The following MYO16 variants were observed in gnomAD, a reference collection of about 807,000 sequenced individuals.
MYO16 encodes unconventional myosin-XVI.
Under a neutral mutation model 205.3 loss-of-function variants are expected in MYO16, and 94 were observed. That is an observed-to-expected ratio of 0.46 (90% CI 0.39 to 0.54). The LOEUF (loss-of-function observed/expected upper bound fraction) is 0.54. Ranked by LOEUF, MYO16 falls within the 20% of genes least tolerant of loss-of-function variation. The pLI is 0.00. For missense variants in MYO16, 2,315 were observed against 2,387.5 expected, an observed-to-expected ratio of 0.97 and a Z score of 0.63; for synonymous variants, 988 against 954.0, an observed-to-expected ratio of 1.04 and a Z score of -0.66.
chr13:108,846,499 C>T (rs1877527564), intron 10 of MYO16, among the ~76,000 whole-genome samples: 1 of 137,176 alleles, frequency 7.3e-6, no homozygotes, highest in Non-Finnish European at 1.6e-5. Context: ...CACACACATA[C>T]ATGTGTGTAT....
At chr13:109,096,174 C>T (rs1260343177) in intron 27 of MYO16, among the ~76,000 whole-genome samples, 1 of 152,168 alleles carries the variant, frequency 6.6e-6, no homozygotes, top group Admixed American at 6.5e-5. Flanking sequence ...AAGTTCAACA[C>T]TGAGTCTCAG....
At chr13:108,579,999 T>C in the MYO16 span, among the ~76,000 whole-genome samples, 26 of 152,186 alleles carry the variant, frequency 1.7e-4, no homozygotes, top group Admixed American at 9.2e-4. Flanking sequence ...GGGATTCCAA[T>C]GACATTGACT....
chr13:108,617,229 C>A (rs1879379649), intron 1 of MYO16, among the ~76,000 whole-genome samples: 1 of 151,480 alleles, frequency 6.6e-6, no homozygotes, highest in Non-Finnish European at 1.5e-5. Context: ...GCTGGACCCA[C>A]CCCAGAGATT....
intron 34 of MYO16, among the ~76,000 whole-genome samples, chr13:109,186,375 C>T (rs1246387647): frequency 1.3e-5 from 2 of 152,140 alleles, no homozygotes; most frequent in Admixed American, 6.5e-5. Flanking sequence ...TGTGGTGCCT[C>T]AGGGGGACAG....
rs538216968 is a variant in MYO16, at chr13:109,205,741, C to T, written c.5416-868C>T. ...GCCCTAGCTGAAGTCAGGGGGTAAGCTTGGTCTGCAGGGTGTCTCTCTTCA... is the reference window on the plus strand; with the variant it reads ...GCCCTAGCTGAAGTCAGGGGGTAAGTTTGGTCTGCAGGGTGTCTCTCTTCA... On this transcript the variant is annotated intron_variant, in intron 34 of 34. Coordinates refer to ENST00000457511, the MANE Select transcript of MYO16 (RefSeq NM_001198950.3). 2.2e-4 allele frequency among the ~76,000 whole-genome samples: 33 copies of T among 152,248 alleles called. 1 individual carries two copies. The South Asian group carries it at 6.8e-3, about 32-fold the overall frequency.
chr13:108,791,464 G>A (rs1446930432), intron 5 of MYO16, among the ~76,000 whole-genome samples: 1 of 152,148 alleles, frequency 6.6e-6, no homozygotes, highest in African/African-American at 2.4e-5. Context: ...CATATTATAT[G>A]TTTTATGTGT....
At chr13:109,132,603 G>A (rs986879144) in intron 31 of MYO16, among the ~76,000 whole-genome samples, 5 of 152,166 alleles carry the variant, frequency 3.3e-5, no homozygotes, top group Non-Finnish European at 5.9e-5. Flanking sequence ...ATGAGAGGGA[G>A]CACAATTTGG....
chr13:108,952,089 A>G (rs529730820), intron 16 of MYO16, among the ~76,000 whole-genome samples: 2 of 151,226 alleles, frequency 1.3e-5, no homozygotes, highest in South Asian at 4.2e-4. Flanking sequence ...CCAGCCTGGG[A>G]AAAACGAGTG....
intron 9 of MYO16, among the ~76,000 whole-genome samples, chr13:108,825,845 AAG>A (rs1318208524): frequency 6.6e-6 from 1 of 151,916 alleles, no homozygotes; most frequent in African/African-American, 2.4e-5. Context: ...TTAGAAAAAA[AAG>A]GAAAAATTAA....
chr13:109,081,098 A>G (rs1410525668), intron 27 of MYO16, among the ~76,000 whole-genome samples: 1 of 152,172 alleles, frequency 6.6e-6, no homozygotes, highest in African/African-American at 2.4e-5. Flanking sequence ...ATACATAGAC[A>G]TATATATGTG....
At chr13:108,627,766 T>C (rs1048904480), upstream of MYO16, among the ~76,000 whole-genome samples, 2 of 152,188 alleles carry the variant, frequency 1.3e-5, no homozygotes, top group African/African-American at 4.8e-5. Context: ...TGTTATGCTT[T>C]TTTTCAGTTT....
rs756128171 is a variant in MYO16 at position 108,898,065 on chromosome 13, A to C, written c.1709A>C (p.Asp570Ala). Residue 570 changes from aspartate to alanine, a missense_variant, in exon 15 of 35, where the codon GAT becomes GCT. This residue lies in a region of MYO16 where 1,213 missense variants were observed against 1,274.4 expected (regional missense o/e 0.95). Coordinates refer to ENST00000457511, the MANE Select transcript of MYO16 (RefSeq NM_001198950.3). Reference protein sequence around the residue: ...AFGHAKTTLNDLSSCFIKYFE... With the variant: ...AFGHAKTTLNALSSCFIKYFE... Reference sequence around the variant, plus strand: ...GGACATGCCAAGACCACACTTAATGATTTGTCCAGTTGCTTCATCAAGTAT... The same window carrying C: ...GGACATGCCAAGACCACACTTAATGCTTTGTCCAGTTGCTTCATCAAGTAT... 1 of 1,614,094 alleles carries C rather than the reference A, an allele frequency of 6.2e-7. No homozygotes were observed. The highest frequency in any genetic ancestry group is 2.2e-5 in the East Asian group (1 of 44,880).
the MYO16 span, among the ~76,000 whole-genome samples, chr13:108,526,655 C>G: frequency 0.33 from 49,774 of 152,114 alleles, 9,927 homozygotes; most frequent in African/African-American, 0.56. Flanking sequence ...TTAATAATCT[C>G]AAAAATACAA....
At chr13:108,830,637 T>G in intron 9 of MYO16, among the ~76,000 whole-genome samples, 1 of 144,542 alleles carries the variant, frequency 6.9e-6, no homozygotes, top group South Asian at 2.4e-4. Context: ...GGAGGGATAG[T>G]ATTGGGAGAT....
At chr13:108,586,240 A>G in the MYO16 span, among the ~76,000 whole-genome samples, 1 of 152,182 alleles carries the variant, frequency 6.6e-6, no homozygotes, top group Non-Finnish European at 1.5e-5. Context: ...AAATACACAG[A>G]TTTTAGCTGA....
Position 108,898,150 on chromosome 13 carries a change from A to G in MYO16, c.1777+17A>G. ...TAACCGGAGGTAAGTGCAGTATTTG[A>G]CAACGTGGATTTCCTGTGCCGAGCC... On this transcript the variant is annotated intron_variant, in intron 15 of 34. Transcript: ENST00000457511. 1.3e-6 allele frequency: 2 copies of G among 1,580,138 alleles called. No homozygotes were observed. Among genetic ancestry groups the G allele is most frequent in the Non-Finnish European group, 1.7e-6 (2 of 1,149,230 alleles).
rs116389680 is a variant in MYO16, at chr13:109,047,250, A to G, written c.2872+259A>G. ...AAATGTAAAATACCCTTACTACTTT[A>G]GTGGGTTGAATATAGAAAAGCTTTT... On this transcript the variant is annotated intron_variant, in intron 24 of 34. Transcript: ENST00000457511. Among the ~76,000 whole-genome samples the G allele has an allele frequency of 0.011, 1,679 of 152,272 alleles. 36 individuals carry two copies. The highest frequency in any genetic ancestry group is 0.037 in the African/African-American group (1,534 of 41,562).
chr13:108,999,158 C>T (rs1885133258), intron 21 of MYO16, among the ~76,000 whole-genome samples: 1 of 152,202 alleles, frequency 6.6e-6, no homozygotes, highest in South Asian at 2.1e-4. Context: ...TGTAATTTCA[C>T]TCACACTGTA....
At chr13:108,891,860 T>C (rs1880190785) in intron 14 of MYO16, among the ~76,000 whole-genome samples, 1 of 152,202 alleles carries the variant, frequency 6.6e-6, no homozygotes, top group Non-Finnish European at 1.5e-5. Context: ...TATTGTGCTA[T>C]TTGTGTTTGT....
Sources: allele counts gnomAD v4.1 joint callset (sites outside exome capture counted in the v4.1 genomes callset), GRCh38; gene constraint gnomAD v4.1.1; regional missense constraint gnomAD v4.1.1; transcripts MANE v1.5; gene names NCBI Gene and HGNC (gene_info 2026-07-23, HGNC 2026-07-21).